The following ATG7 variants were observed in gnomAD, a reference collection of about 807,000 sequenced individuals.
ATG7 encodes autophagy related 7.
A neutral mutation model predicts 82.4 loss-of-function variants in ATG7; 70 were observed. The ratio of observed to expected loss-of-function variants is 0.85; its 90% CI spans 0.70 to 1.04. The LOEUF (loss-of-function observed/expected upper bound fraction) is 1.04, where lower values mean the gene tolerates loss of function less well. Ranked by LOEUF, ATG7 falls within the 50% of genes least tolerant of loss-of-function variation. ATG7 has a pLI of 0.00. For synonymous variants in ATG7, 287 were observed against 313.0 expected (o/e 0.92, Z 0.88); for missense variants, 792 against 864.3 (o/e 0.92, Z 1.05).
At chr3:11,537,272 T>C (rs559968224) in intron 20 of ATG7, among the ~76,000 whole-genome samples, 1 of 152,270 alleles carries the variant, frequency 6.6e-6, no homozygotes, top group South Asian at 2.1e-4. Flanking sequence ...AGTCCCTTTC[T>C]AAAAGAACTG....
intron 15 of ATG7, among the ~76,000 whole-genome samples, chr3:11,360,085 A>G (rs1364092829): frequency 6.6e-6 from 1 of 152,138 alleles, no homozygotes; most frequent in Non-Finnish European, 1.5e-5. Context: ...TTGCTCTGTC[A>G]CCCAGGCTGG....
chr3:11,420,876 C>T (rs2081880394), intron 19 of ATG7, among the ~76,000 whole-genome samples: 1 of 151,560 alleles, frequency 6.6e-6, no homozygotes, highest in Admixed American at 6.6e-5. Context: ...CTGCCTCAGC[C>T]TCCTGAGTAG....
chr3:11,473,094 C>A lies in ATG7; in HGVS notation c.2079+46168C>A, dbSNP rs186421801. On this transcript the variant is annotated intron_variant, in intron 20 of 20. Transcript: ENST00000693202. Reference sequence around the variant, plus strand: ...ATATTCAGCCCTGACTGCCACTTGTCCCTCTGACCTAGCCATAAAATACTA... The same window carrying A: ...ATATTCAGCCCTGACTGCCACTTGTACCTCTGACCTAGCCATAAAATACTA... Among the ~76,000 whole-genome samples, 419 of 152,276 alleles carry A rather than the reference C, an allele frequency of 2.8e-3. 2 individuals carry two copies. Among genetic ancestry groups the A allele is most frequent in the South Asian group, 1.0e-2 (48 of 4,822 alleles).
At chr3:11,308,144 C>T (rs1948063069) in intron 6 of ATG7, among the ~76,000 whole-genome samples, 1 of 152,204 alleles carries the variant, frequency 6.6e-6, no homozygotes, top group East Asian at 1.9e-4. Context: ...TTCTCCAAGG[C>T]CAGTATGTCA....
chr3:11,479,716 A>G (rs971173398), intron 20 of ATG7, among the ~76,000 whole-genome samples: 2 of 152,214 alleles, frequency 1.3e-5, no homozygotes, highest in African/African-American at 4.8e-5. Context: ...GCTTTAGCAA[A>G]AGAAAAGGGA....
intron 20 of ATG7, among the ~76,000 whole-genome samples, chr3:11,498,842 C>A (rs1170559003): frequency 6.6e-6 from 1 of 152,230 alleles, no homozygotes; most frequent in Non-Finnish European, 1.5e-5. Context: ...TCTCTCTGAA[C>A]TCCTGAAATG....
intron 4 of ATG7, 183 bp from the exon 5 acceptor site, chr3:11,299,179 G>A (rs1420157381): frequency 1.6e-6 from 1 of 618,304 alleles, no homozygotes; most frequent in Non-Finnish European, 2.8e-6. Flanking sequence ...ATATTCACAA[G>A]AGCTCTGTCA....
At chr3:11,461,299 G>C (rs1048682927) in intron 20 of ATG7, among the ~76,000 whole-genome samples, 1 of 152,206 alleles carries the variant, frequency 6.6e-6, no homozygotes, top group Non-Finnish European at 1.5e-5. Context: ...AAACTATAGG[G>C]AATAGTGATT....
intron 20 of ATG7, among the ~76,000 whole-genome samples, chr3:11,459,754 T>C (rs912473706): frequency 1.3e-5 from 2 of 152,186 alleles, no homozygotes; most frequent in Non-Finnish European, 2.9e-5. Flanking sequence ...AATGAAACCA[T>C]TGAATTACAA....
chr3:11,331,987 C>A (rs746468362), intron 10 of ATG7, among the ~76,000 whole-genome samples: 1 of 152,056 alleles, frequency 6.6e-6, no homozygotes, highest in Non-Finnish European at 1.5e-5. Context: ...CAGTATCTAC[C>A]AAAATTAAAA....
At chr3:11,362,170 A>C (rs1030968101) in intron 16 of ATG7, among the ~76,000 whole-genome samples, 5 of 152,218 alleles carry the variant, frequency 3.3e-5, no homozygotes, top group Admixed American at 2.0e-4. Context: ...TATAGAGTCA[A>C]AAATATCTCT....
chr3:11,279,947 T>G (rs1299529202), intron 1 of ATG7, among the ~76,000 whole-genome samples: 2 of 152,122 alleles, frequency 1.3e-5, no homozygotes, highest in South Asian at 4.1e-4. Flanking sequence ...AGTTTTTTTT[T>G]TTTTTGCCAT....
Position 11,422,740 on chromosome 3 carries a change from CTTTTTTTTTTTTT to C in ATG7, c.1957-4047_1957-4035del, listed in dbSNP as rs557755646. On this transcript the variant is annotated intron_variant, in intron 19 of 20. Transcript: ENST00000693202. ...CCTCACTATGCTTAATCATTTCTAG[CTTTTTTTTTTTTT>C]TTTTTTTTTTTTTTTTGGAGACAGA... Among the ~76,000 whole-genome samples, 490 of 49,566 alleles carry C rather than the reference CTTTTTTTTTTTTT, an allele frequency of 9.9e-3. 9 individuals carry two copies. The highest frequency in any genetic ancestry group is 0.084 in the South Asian group (74 of 880). The allele number at this position is 49,566 out of a possible 152,430, so 32.5% of individuals were successfully genotyped here.
At chr3:11,321,022 C>T (rs887872726) in intron 9 of ATG7, among the ~76,000 whole-genome samples, 5 of 152,158 alleles carry the variant, frequency 3.3e-5, no homozygotes, top group Non-Finnish European at 5.9e-5. Context: ...GGTATATGAT[C>T]TGCATGGCTG....
At chr3:11,497,094 G>C (rs1302987174) in intron 20 of ATG7, among the ~76,000 whole-genome samples, 1 of 151,770 alleles carries the variant, frequency 6.6e-6, no homozygotes, top group South Asian at 2.1e-4. Flanking sequence ...CAAGTGATCC[G>C]CTTGCCTCGG....
rs373418309 is a variant in ATG7 at position 11,306,908 on chromosome 3, C to T, written c.216-35C>T. 6 of 1,563,346 alleles carry T rather than the reference C, an allele frequency of 3.8e-6. No individual in the cohort carries two copies. In the African/African-American group the frequency reaches 8.1e-5, roughly 21 times the overall value. ...TTGTCTCTCCCTGGCTGAGTCCCAGCTGTGCCTGACTAACCGTGTTTCTCT... is the reference window on the plus strand; with the variant it reads ...TTGTCTCTCCCTGGCTGAGTCCCAGTTGTGCCTGACTAACCGTGTTTCTCT... On this transcript the variant is annotated intron_variant, in intron 5 of 20. Coordinates refer to ENST00000693202, the MANE Select transcript of ATG7 (RefSeq NM_001349232.2).
downstream of ATG7, chr3:11,558,375 T>G: frequency 9.7e-7 from 1 of 1,027,304 alleles, no homozygotes; most frequent in South Asian, 1.7e-5. Context: ...AGGGCCCCCT[T>G]GTACGGATAC....
intron 20 of ATG7, among the ~76,000 whole-genome samples, chr3:11,532,806 A>G (rs1360963438): frequency 6.6e-6 from 1 of 152,234 alleles, no homozygotes; most frequent in Non-Finnish European, 1.5e-5. Context: ...ATGGGTCTAG[A>G]TACTGCATGA....
chr3:11,331,283 T>C, intron 9 of ATG7, 57 bp from the exon 10 acceptor site: 1 of 1,328,736 alleles, frequency 7.5e-7, no homozygotes, highest in Non-Finnish European at 1.1e-6. Context: ...GAGCAATGTC[T>C]GTATTGTGAA....
Sources: allele counts gnomAD v4.1 joint callset (sites outside exome capture counted in the v4.1 genomes callset), GRCh38; gene constraint gnomAD v4.1.1; transcripts MANE v1.5; gene names NCBI Gene and HGNC (gene_info 2026-07-23, HGNC 2026-07-21).